INPP5F: variants seen among roughly 807,000 people sequenced by gnomAD.
The protein encoded by INPP5F is phosphatidylinositide 4-phosphatase SAC2.
INPP5F carries 97 observed loss-of-function variants against 137.2 expected under a neutral mutation model. The ratio of observed to expected loss-of-function variants is 0.71; its 90% CI spans 0.60 to 0.84. INPP5F has a LOEUF of 0.84. INPP5F is among the 40% of genes least tolerant of loss of function. The pLI is 0.00. For missense variants in INPP5F, 1,271 were observed against 1,371.9 expected, an observed-to-expected ratio of 0.93 and a Z score of 1.16; for synonymous variants, 504 against 476.9, an observed-to-expected ratio of 1.06 and a Z score of -0.74.
chr10:119,822,971 A>G, intron 17 of INPP5F, 100 bp from the exon 18 acceptor site: 1 of 1,205,192 alleles, frequency 8.3e-7, no homozygotes, highest in South Asian at 1.6e-5. Flanking sequence ...GTGTGCTGTC[A>G]TTTATATTAT....
At chr10:119,744,244 C>T (rs1470853097) in intron 1 of INPP5F, among the ~76,000 whole-genome samples, 2 of 152,174 alleles carry the variant, frequency 1.3e-5, no homozygotes, top group East Asian at 3.8e-4. Context: ...ATTTCAAGCA[C>T]ACATAGAACA....
At chr10:119,756,920 A>AT (rs1265091261) in intron 2 of INPP5F, among the ~76,000 whole-genome samples, 7 of 148,920 alleles carry the variant, frequency 4.7e-5, no homozygotes, top group African/African-American at 1.7e-4. Flanking sequence ...GAAAATATCT[A>AT]TTTAGAACCA....
intron 2 of INPP5F, among the ~76,000 whole-genome samples, chr10:119,753,347 C>A (rs1164860943): frequency 1.3e-5 from 2 of 152,232 alleles, no homozygotes; most frequent in African/African-American, 2.4e-5. Flanking sequence ...AGCTGCCTAA[C>A]ATCTGTTTCA....
At chr10:119,785,968 T>C (rs1396711101) in intron 3 of INPP5F, among the ~76,000 whole-genome samples, 2 of 152,246 alleles carry the variant, frequency 1.3e-5, no homozygotes, top group East Asian at 1.9e-4. Flanking sequence ...TTTAAAGTTA[T>C]ATAGGCTTAT....
intron 1 of INPP5F, 135 bp downstream of exon 1, chr10:119,726,494 G>T: frequency 2.8e-6 from 1 of 354,340 alleles, no homozygotes; most frequent in Non-Finnish European, 4.6e-6. Flanking sequence ...CTGCGAGCGC[G>T]CGAGCTGTCA....
intron 9 of INPP5F, among the ~76,000 whole-genome samples, chr10:119,802,750 A>T (rs748344250): frequency 1.3e-5 from 2 of 152,216 alleles, no homozygotes; most frequent in Non-Finnish European, 2.9e-5. Context: ...GACATTATGT[A>T]TATTTAAATT....
At chr10:119,784,553 T>A (rs1300188919) in intron 3 of INPP5F, among the ~76,000 whole-genome samples, 1 of 152,220 alleles carries the variant, frequency 6.6e-6, no homozygotes, top group African/African-American at 2.4e-5. Context: ...CCAGATTTGC[T>A]AAAGCCTAAG....
chr10:119,742,934 A>G (rs1848418780), intron 1 of INPP5F, among the ~76,000 whole-genome samples: 1 of 152,092 alleles, frequency 6.6e-6, no homozygotes, highest in African/African-American at 2.4e-5. Context: ...GGAGGTTGCC[A>G]TGAGCCGAGA....
chr10:119,786,155 T>C (rs1849907304), intron 3 of INPP5F, among the ~76,000 whole-genome samples: 2 of 152,328 alleles, frequency 1.3e-5, no homozygotes, highest in East Asian at 1.9e-4. Flanking sequence ...AGCAGCAACA[T>C]CAACCCTTAG....
At chr10:119,823,960 T>G (rs1851666209) in intron 19 of INPP5F, 58 bp downstream of exon 19, 1 of 1,316,442 alleles carries the variant, frequency 7.6e-7, no homozygotes, top group Admixed American at 1.8e-5. Flanking sequence ...CTTATTTGTT[T>G]AAAATTATTT....
intron 2 of INPP5F, among the ~76,000 whole-genome samples, chr10:119,752,314 G>A (rs1475375150): frequency 6.6e-6 from 1 of 152,214 alleles, no homozygotes; most frequent in Non-Finnish European, 1.5e-5. Context: ...GCCAGGCGCA[G>A]TGACTCATGC....
At chr10:119,784,773 A>G (rs1048154667) in intron 3 of INPP5F, among the ~76,000 whole-genome samples, 2 of 152,226 alleles carry the variant, frequency 1.3e-5, no homozygotes, top group Non-Finnish European at 2.9e-5. Context: ...ATTCAGAGTC[A>G]TGTGGTTATC....
chr10:119,739,900 T>TA (rs1342431497), intron 1 of INPP5F, among the ~76,000 whole-genome samples: 2 of 152,202 alleles, frequency 1.3e-5, no homozygotes, highest in Non-Finnish European at 2.9e-5. Context: ...TTTACAGGTG[T>TA]AAGCTACCAC....
At chr10:119,757,274 G>A (rs565206640) in intron 2 of INPP5F, among the ~76,000 whole-genome samples, 2 of 151,476 alleles carry the variant, frequency 1.3e-5, no homozygotes, top group Non-Finnish European at 2.9e-5. Flanking sequence ...CCCCATGTTG[G>A]CCAGACTGGT....
intron 1 of INPP5F, among the ~76,000 whole-genome samples, chr10:119,731,787 G>A (rs922221816): frequency 1.3e-5 from 2 of 152,104 alleles, no homozygotes; most frequent in Admixed American, 1.3e-4. Flanking sequence ...GAATAACCAG[G>A]TTTTTTCTTA....
chr10:119,764,583 CTTT>C (rs750705071), intron 2 of INPP5F, among the ~76,000 whole-genome samples: 7 of 140,396 alleles, frequency 5.0e-5, no homozygotes, highest in African/African-American at 7.8e-5. Flanking sequence ...TTATGGTTTT[CTTT>C]TTTTTTTTTT....
chr10:119,732,500 C>CTTTTTTTTTTTTTTTTTTTTTTT (rs59388357), intron 1 of INPP5F, among the ~76,000 whole-genome samples: 1 of 115,566 alleles, frequency 8.7e-6, no homozygotes, highest in Non-Finnish European at 1.7e-5. Flanking sequence ...TTTCTTTTTT[C>CTTTTTTTTTTTTTTTTTTTTTTT]TTTTTTTTTT....
At chr10:119,767,115 A>G (rs1162888137) in intron 2 of INPP5F, among the ~76,000 whole-genome samples, 2 of 149,046 alleles carry the variant, frequency 1.3e-5, no homozygotes, top group Non-Finnish European at 3.0e-5. Context: ...CAGAAAAAAA[A>G]AAAAAAAAAA....
intron 2 of INPP5F, among the ~76,000 whole-genome samples, chr10:119,763,538 A>G (rs1849066615): frequency 6.6e-6 from 1 of 152,200 alleles, no homozygotes; most frequent in South Asian, 2.1e-4. Context: ...ACTGATAGCC[A>G]TCCTTCATTC....
Sources: gnomAD v4.1 joint callset for allele counts (sites outside exome capture counted in the v4.1 genomes callset) on GRCh38, gnomAD v4.1.1 for gene constraint, MANE v1.5 for transcripts, NCBI Gene and HGNC (gene_info 2026-07-23, HGNC 2026-07-21) for gene names.